CHRM5: variants seen among roughly 807,000 people sequenced by gnomAD.
CHRM5 encodes the protein cholinergic receptor muscarinic 5.
Under a neutral mutation model 39.0 loss-of-function variants are expected in CHRM5, and 18 were observed. The observed-to-expected ratio is 0.46, with a 90% CI of 0.32 to 0.68. The LOEUF is 0.68. Among genes scored for constraint, CHRM5 ranks in the 30% least tolerant of loss-of-function variants. The pLI, the probability that CHRM5 is intolerant of heterozygous loss-of-function variation, is 0.04. For synonymous variants in CHRM5, 241 were observed against 246.3 expected (o/e 0.98, Z 0.20); for missense variants, 515 against 651.1 (o/e 0.79, Z 2.28).
intron 1 of CHRM5, among the ~76,000 whole-genome samples, chr15:34,002,258 A>G (rs1438337723): frequency 6.6e-6 from 1 of 152,196 alleles, no homozygotes; most frequent in African/African-American, 2.4e-5. Flanking sequence ...CGCAGTCAAG[A>G]TACTAATCAG....
chr15:34,001,297 C>T lies in CHRM5; in HGVS notation c.-408+32147C>T, dbSNP rs556308746. 1.7e-4 allele frequency among the ~76,000 whole-genome samples: 26 copies of T among 152,304 alleles called. No individual in the cohort carries two copies. The South Asian group carries it at 5.4e-3, about 32-fold the overall frequency. On this transcript the variant is annotated intron_variant, in intron 1 of 2. Transcript: ENST00000383263. ...TCGGCCTCCCAAAGTGCTGGGATTA[C>T]AGGCGTGAGCCACCATGCCCAGCCT...
In CHRM5 at chr15:33,999,757, C is replaced by T. The variant is rs562727971; in HGVS notation, c.-408+30607C>T. Among the ~76,000 whole-genome samples, 22 of 152,296 alleles carry T rather than the reference C, an allele frequency of 1.4e-4. 1 individual carries two copies. On this transcript the variant is annotated intron_variant, in intron 1 of 2. Transcript: ENST00000383263. The stretch of plus-strand genomic sequence containing the variant: ...GGCTTCCTAACTAGTCTACCTGCTA[C>T]TAGTAGTAGCAGTGGCTTCCTAACT...
chr15:33,978,402 G>A (rs1462386229), intron 1 of CHRM5, among the ~76,000 whole-genome samples: 2 of 152,286 alleles, frequency 1.3e-5, no homozygotes, highest in East Asian at 1.9e-4. Context: ...GATGGCTCAC[G>A]CCTGTAATCC....
intron 1 of CHRM5, among the ~76,000 whole-genome samples, chr15:34,036,919 G>C (rs897768096): frequency 6.6e-6 from 1 of 152,100 alleles, no homozygotes; most frequent in African/African-American, 2.4e-5. Context: ...AGACCAGCCT[G>C]ACCAACATGG....
At chr15:34,016,235 AAAAAACAAAAAC>A (rs951470489) in intron 1 of CHRM5, among the ~76,000 whole-genome samples, 1 of 152,216 alleles carries the variant, frequency 6.6e-6, no homozygotes, top group African/African-American at 2.4e-5. Flanking sequence ...ACTCCATCTC[AAAAAACAAAAAC>A]AAAAACAAAA....
chr15:34,012,758 G>A (rs1002761877), intron 1 of CHRM5, among the ~76,000 whole-genome samples: 2 of 152,196 alleles, frequency 1.3e-5, no homozygotes, highest in African/African-American at 2.4e-5. Context: ...ACTTTAACAA[G>A]TAAAGCATTA....
At chr15:34,051,415 C>T (rs933502348) in intron 2 of CHRM5, among the ~76,000 whole-genome samples, 4 of 152,178 alleles carry the variant, frequency 2.6e-5, no homozygotes, top group African/African-American at 4.8e-5. Context: ...AAAAACCTAA[C>T]ATCACAACAA....
rs1204714479 is a variant in CHRM5, at chr15:34,065,145, T to C, written c.*829T>C. The C allele has an allele frequency of 6.3e-6, 1 of 159,118 alleles. No individual in the cohort carries two copies. The highest frequency in any genetic ancestry group is 1.5e-5 in the Non-Finnish European group (1 of 68,098). 9.9% of individuals were successfully genotyped at this position (159,118 alleles called of 1,614,324 possible). A position where few individuals can be genotyped will look rare whatever the true frequency, so the allele number is the denominator to read the frequency against. On this transcript the variant is annotated 3_prime_UTR_variant, in exon 3 of 3. Transcript: ENST00000383263. ...ATTTTTTCTTTTATCTAAACAGATA[T>C]TGTGCATTCTATTTTGTGCCCATTT...
At chr15:34,046,096 AT>A (rs1205785258) in intron 1 of CHRM5, among the ~76,000 whole-genome samples, 6 of 152,214 alleles carry the variant, frequency 3.9e-5, no homozygotes, top group African/African-American at 7.2e-5. Context: ...AACCACTTAT[AT>A]TTCATTTGCC....
chr15:34,002,078 A>G (rs994228366), intron 1 of CHRM5, among the ~76,000 whole-genome samples: 1 of 152,194 alleles, frequency 6.6e-6, no homozygotes, highest in African/African-American at 2.4e-5. Context: ...AGTTTACCCC[A>G]ATGATAACAT....
At chr15:34,055,803 A>AAAAT (rs916497293) in intron 2 of CHRM5, among the ~76,000 whole-genome samples, 10 of 152,298 alleles carry the variant, frequency 6.6e-5, no homozygotes, top group East Asian at 1.9e-4. Flanking sequence ...TCTGTCACAA[A>AAAAT]AAATAAATAA....
At chr15:33,972,241 T>C (rs963505725) in intron 1 of CHRM5, 8 of 151,988 alleles carry the variant, frequency 5.3e-5, no homozygotes, top group Non-Finnish European at 1.0e-4. Flanking sequence ...CAGACAGTCA[T>C]GAAAGAGGCC....
rs1895858082 is a variant in CHRM5 at position 33,975,788 on chromosome 15, G to A, written c.-408+6638G>A. Among the ~76,000 whole-genome samples, 8 of 152,236 alleles carry A rather than the reference G, an allele frequency of 5.3e-5. No individual in the cohort carries two copies. In the South Asian group the frequency reaches 1.7e-3, roughly 32 times the overall value. On this transcript the variant is annotated intron_variant, in intron 1 of 2. Transcript: ENST00000383263. ...CTACTGAGAATACAAAAATTAGCCGGGCGTGGTGGCACATGCCTGTAGTCC... is the reference window on the plus strand; with the variant it reads ...CTACTGAGAATACAAAAATTAGCCGAGCGTGGTGGCACATGCCTGTAGTCC...
At position 34,048,443 on chromosome 15, in the gene CHRM5, CT is replaced by C. The variant is rs376951305; in HGVS notation, c.-76+1573del. Reference sequence around the variant, plus strand: ...GCTGCTTTGCCAGATCATGGCCAGGCTGCTTCTTTAAGTGGGACCTGGATCC... The same window carrying C: ...GCTGCTTTGCCAGATCATGGCCAGGCGCTTCTTTAAGTGGGACCTGGATCC... On this transcript the variant is annotated intron_variant, in intron 2 of 2. Transcript: ENST00000383263. Among the ~76,000 whole-genome samples, 490 of 151,882 alleles carry C rather than the reference CT, an allele frequency of 3.2e-3. 4 individuals carry two copies. Among genetic ancestry groups the C allele is most frequent in the African/African-American group, 0.011 (458 of 41,388 alleles).
chr15:34,005,921 C>T (rs1172403835), intron 1 of CHRM5, among the ~76,000 whole-genome samples: 2 of 152,172 alleles, frequency 1.3e-5, no homozygotes, highest in African/African-American at 4.8e-5. Flanking sequence ...AAAACTAGAG[C>T]ATTCCTGCAA....
Position 33,989,002 on chromosome 15 carries a change from T to C in CHRM5, c.-408+19852T>C, listed in dbSNP as rs202098606. Among the ~76,000 whole-genome samples the C allele has an allele frequency of 2.3e-3, 344 of 152,322 alleles. 9 individuals are homozygous for C. In the South Asian group the frequency reaches 0.065, roughly 29 times the overall value. Reference sequence around the variant, plus strand: ...TTTACAGCTTGGAAAACACAAATTATTAAACCATTTCTCAGGCTTCTTTTG... The same window carrying C: ...TTTACAGCTTGGAAAACACAAATTACTAAACCATTTCTCAGGCTTCTTTTG... On this transcript the variant is annotated intron_variant, in intron 1 of 2. Transcript: ENST00000383263.
intron 2 of CHRM5, among the ~76,000 whole-genome samples, chr15:34,048,734 C>A (rs577498046): frequency 1.5e-3 from 233 of 152,336 alleles, no homozygotes; most frequent in African/African-American, 5.4e-3. Flanking sequence ...GGTCCCTGAT[C>A]CCATTCCTCC....
chr15:34,057,011 T>C (rs1900178353), intron 2 of CHRM5, among the ~76,000 whole-genome samples: 1 of 152,142 alleles, frequency 6.6e-6, no homozygotes, highest in Admixed American at 6.5e-5. Context: ...TGCAATCCAG[T>C]GTTAGCACCA....
chr15:33,977,271 ATACTCT>A (rs146181580), intron 1 of CHRM5, among the ~76,000 whole-genome samples: 2,203 of 152,294 alleles, frequency 0.014, 50 homozygotes, highest in African/African-American at 0.049. Context: ...ACAAGCTCCA[ATACTCT>A]TACTCTAAGA....
Sources: allele counts gnomAD v4.1 joint callset (sites outside exome capture counted in the v4.1 genomes callset), GRCh38; gene constraint gnomAD v4.1.1; transcripts MANE v1.5; gene names NCBI Gene and HGNC (gene_info 2026-07-23, HGNC 2026-07-21).